Variants in RYR3 observed in about 807,000 individuals in gnomAD.
The protein encoded by RYR3 is ryanodine receptor 3.
A neutral mutation model predicts 584.3 loss-of-function variants in RYR3; 207 were observed. That is an observed-to-expected ratio of 0.35 (90% confidence interval 0.32 to 0.40). The LOEUF (loss-of-function observed/expected upper bound fraction) is 0.40. RYR3 is among the 10% of genes least tolerant of loss of function. The pLI is 1.00. For synonymous variants in RYR3, 2,416 were observed against 2,248.5 expected, an observed-to-expected ratio of 1.07 and a Z score of -2.11; for missense variants, 5,616 against 6,089.2, an observed-to-expected ratio of 0.92 and a Z score of 2.59.
At chr15:33,846,212 G>A (rs1156894280) in intron 93 of RYR3, among the ~76,000 whole-genome samples, 1 of 152,236 alleles carries the variant, frequency 6.6e-6, no homozygotes, top group East Asian at 1.9e-4. Flanking sequence ...GAGCATGGAG[G>A]TGGAAGCTGC....
intron 1 of RYR3, among the ~76,000 whole-genome samples, chr15:33,453,800 GAAAA>G (rs537727639): frequency 6.6e-6 from 1 of 151,520 alleles, no homozygotes; most frequent in Non-Finnish European, 1.5e-5. Context: ...GTTTTCATAT[GAAAA>G]AAAAGTTAAT....
chr15:33,731,020 A>G (rs1415101256), intron 47 of RYR3, among the ~76,000 whole-genome samples: 1 of 152,214 alleles, frequency 6.6e-6, no homozygotes, highest in East Asian at 1.9e-4. Context: ...ACCATTCACT[A>G]ATCTTACAGT....
At chr15:33,606,359 T>G (rs2059903417) in intron 18 of RYR3, among the ~76,000 whole-genome samples, 1 of 152,208 alleles carries the variant, frequency 6.6e-6, no homozygotes, top group Admixed American at 6.5e-5. Context: ...TCCAGAGTCC[T>G]TGGTACTTCA....
At chr15:33,729,693 C>T (rs2068784830) in intron 47 of RYR3, among the ~76,000 whole-genome samples, 1 of 151,870 alleles carries the variant, frequency 6.6e-6, no homozygotes, top group Admixed American at 6.6e-5. Context: ...TACGAGATGC[C>T]ACAAGTCAGA....
rs773784804 is a variant in RYR3 at position 33,584,444 on chromosome 15, C to A, written c.1623C>A (p.Asn541Lys). The A allele has an allele frequency of 6.2e-6, 10 of 1,606,062 alleles. No individual in the cohort carries two copies. The highest frequency in any genetic ancestry group is 2.6e-6 in the Non-Finnish European group (3 of 1,173,754). The change falls in exon 15 of 104, where the codon AAC becomes AAA. Residue 541 changes from asparagine to lysine, a missense_variant. Transcript: ENST00000634891. The part of the protein sequence containing the change: ...NRNNCAQFSN[N>K]LDWLISKLDR... ...ACAATTGCGCTCAATTCTCCAATAA[C>A]CTTGATTGGCTCATCAGTAAATTGG...
chr15:33,434,575 C>G (rs961865950), intron 1 of RYR3, among the ~76,000 whole-genome samples: 1 of 151,988 alleles, frequency 6.6e-6, no homozygotes, highest in Non-Finnish European at 1.5e-5. Flanking sequence ...ATATTTTATG[C>G]AAGTAAAAAT....
intron 12 of RYR3, among the ~76,000 whole-genome samples, chr15:33,575,482 A>G (rs1440590516): frequency 6.6e-6 from 1 of 152,146 alleles, no homozygotes; most frequent in South Asian, 2.1e-4. Flanking sequence ...ACACAACTAC[A>G]TGGGAAGTGA....
Position 33,350,539 on chromosome 15 carries a change from A to T in RYR3, c.51+39443A>T, listed in dbSNP as rs550114178. On this transcript the variant is annotated intron_variant, in intron 1 of 103. Coordinates refer to ENST00000634891, the MANE Select transcript of RYR3 (RefSeq NM_001036.6). ...AGCTCTCCTCAGCAAATGTAAAAGA[A>T]CAGAAATTATAACAAACTATCTCTC... Among the ~76,000 whole-genome samples, 770 of 151,506 alleles carry T rather than the reference A, an allele frequency of 5.1e-3. 14 individuals carry two copies. Among genetic ancestry groups the T allele is most frequent in the Admixed American group, 0.047 (711 of 15,214 alleles).
chr15:33,722,244 G>A (rs2067988003), intron 43 of RYR3, among the ~76,000 whole-genome samples: 1 of 152,140 alleles, frequency 6.6e-6, no homozygotes, highest in African/African-American at 2.4e-5. Context: ...AAGATGTAAA[G>A]TCCTTCTGTT....
chr15:33,483,785 C>A (rs754118642), intron 2 of RYR3, among the ~76,000 whole-genome samples: 1 of 152,162 alleles, frequency 6.6e-6, no homozygotes, highest in Non-Finnish European at 1.5e-5. Context: ...TTTTATTAAT[C>A]TATGGTGGTT....
intron 1 of RYR3, among the ~76,000 whole-genome samples, chr15:33,336,982 T>C (rs991109579): frequency 1.6e-5 from 2 of 127,202 alleles, no homozygotes; most frequent in African/African-American, 3.0e-5. Flanking sequence ...GGCGTGAACC[T>C]GGGAGGTGGA....
Position 33,788,278 on chromosome 15 carries a change from C to T in RYR3, c.9650C>T (p.Pro3217Leu). The T allele has an allele frequency of 1.2e-6, 2 of 1,613,970 alleles. No individual in the cohort carries two copies. Among genetic ancestry groups the T allele is most frequent in the African/African-American group, 2.7e-5 (2 of 75,040 alleles). Residue 3217 changes from proline to leucine, a missense_variant, in exon 67 of 104, where the codon CCA becomes CTA. Physicochemically the swap from Pro to Leu is moderately conservative, Grantham distance 98 (BLOSUM62 -3). Coordinates refer to ENST00000634891, the MANE Select transcript of RYR3 (RefSeq NM_001036.6). ...RPDLLRSHFIPTLEKLKKKAV... is the reference protein window; with the variant it reads ...RPDLLRSHFILTLEKLKKKAV... ...GACCTGCTGAGAAGCCACTTCATCC[C>T]AACTCTGGAGAAGCTGAAGAAAAAG...
intron 12 of RYR3, among the ~76,000 whole-genome samples, chr15:33,568,435 C>T (rs2057833248): frequency 1.3e-5 from 2 of 152,000 alleles, no homozygotes; most frequent in East Asian, 3.9e-4. Context: ...TTACAAAATT[C>T]ATCCTTTTAA....
chr15:33,684,245 A>C (rs1168122769), intron 38 of RYR3, among the ~76,000 whole-genome samples: 4 of 152,198 alleles, frequency 2.6e-5, no homozygotes, highest in South Asian at 4.1e-4. Context: ...GGGGCAACAC[A>C]CACCTCATAT....
chr15:33,430,740 C>CT (rs2045071813), intron 1 of RYR3, among the ~76,000 whole-genome samples: 1 of 152,200 alleles, frequency 6.6e-6, no homozygotes, highest in African/African-American at 2.4e-5. Flanking sequence ...TTTTAAGCTA[C>CT]TACTATCTTC....
intron 1 of RYR3, among the ~76,000 whole-genome samples, chr15:33,368,169 A>G (rs1975766258): frequency 6.6e-6 from 1 of 152,100 alleles, no homozygotes; most frequent in Non-Finnish European, 1.5e-5. Context: ...GGTAAATCAC[A>G]AAAAGACGTA....
intron 48 of RYR3, among the ~76,000 whole-genome samples, chr15:33,735,527 A>G (rs2069374457): frequency 6.6e-6 from 1 of 152,190 alleles, no homozygotes. Context: ...AATTGTGTTT[A>G]TGTGTGTACA....
chr15:33,687,047 G>T (rs2065061848), intron 38 of RYR3, among the ~76,000 whole-genome samples: 2 of 152,174 alleles, frequency 1.3e-5, no homozygotes, highest in Admixed American at 1.3e-4. Context: ...ATTCAACATA[G>T]TGTTAGAAGT....
intron 16 of RYR3, among the ~76,000 whole-genome samples, chr15:33,597,534 C>G (rs1165966738): frequency 6.6e-6 from 1 of 151,000 alleles, no homozygotes; most frequent in Non-Finnish European, 1.5e-5. Context: ...CCGCTTGAAC[C>G]CGGGAGGCGG....
Sources: allele counts gnomAD v4.1 joint callset (sites outside exome capture counted in the v4.1 genomes callset), GRCh38; gene constraint gnomAD v4.1.1; transcripts MANE v1.5; gene names NCBI Gene and HGNC (gene_info 2026-07-23, HGNC 2026-07-21).